The following PVT1 variants were observed in gnomAD, a reference collection of about 807,000 sequenced individuals.
PVT1 encodes CXCR4/PVT1 fusion.
At chr8:127,920,191 A>G (rs1816040291) in intron 3 of PVT1, among the ~76,000 whole-genome samples, 1 of 152,238 alleles carries the variant, frequency 6.6e-6, no homozygotes, top group African/African-American at 2.4e-5. Flanking sequence ...TCCAATGATA[A>G]TCAGTCATTT....
chr8:128,015,599 C>T (rs1817363466), intron 4 of PVT1, among the ~76,000 whole-genome samples: 1 of 151,778 alleles, frequency 6.6e-6, no homozygotes, highest in South Asian at 2.1e-4. Flanking sequence ...ATGGTGAAAC[C>T]CTGTCTCTAC....
chr8:127,816,171 T>C (rs1176067957), intron 2 of PVT1, among the ~76,000 whole-genome samples: 2 of 152,154 alleles, frequency 1.3e-5, no homozygotes, highest in Non-Finnish European at 2.9e-5. Flanking sequence ...TTGGGAGGCA[T>C]ATTGGTAAGT....
At chr8:127,916,249 A>G (rs1045874799) in intron 3 of PVT1, among the ~76,000 whole-genome samples, 5 of 152,168 alleles carry the variant, frequency 3.3e-5, no homozygotes, top group Admixed American at 2.0e-4. Context: ...GAGAATGGAA[A>G]AGCACTGTGC....
chr8:127,970,300 T>TTTG (rs1816750775), intron 3 of PVT1, among the ~76,000 whole-genome samples: 1 of 122,922 alleles, frequency 8.1e-6, no homozygotes, highest in African/African-American at 3.0e-5. Flanking sequence ...TTTTTTTTTT[T>TTTG]TTTTTTTTTT....
At chr8:127,855,068 T>C (rs1310944131) in intron 2 of PVT1, 16 of 398,096 alleles carry the variant, frequency 4.0e-5, no homozygotes, top group Non-Finnish European at 4.4e-6. Flanking sequence ...CTCAGTTTAC[T>C]ATTTTAAACT....
At chr8:127,882,343 A>C (rs57025109) in intron 2 of PVT1, among the ~76,000 whole-genome samples, 12,568 of 152,198 alleles carry the variant, frequency 0.083, 590 homozygotes, top group East Asian at 0.14. Flanking sequence ...GATCTCCCCG[A>C]TTTATCTTCC....
At chr8:127,894,142 T>C (rs1207514602) in intron 3 of PVT1, among the ~76,000 whole-genome samples, 1 of 152,194 alleles carries the variant, frequency 6.6e-6, no homozygotes, top group Non-Finnish European at 1.5e-5. Context: ...CAGCACACTC[T>C]CTAGTCGTAC....
intron 4 of PVT1, among the ~76,000 whole-genome samples, chr8:128,031,419 G>C (rs923854930): frequency 2.6e-5 from 4 of 152,188 alleles, no homozygotes; most frequent in African/African-American, 9.6e-5. Context: ...ATAGGTATGG[G>C]GTGTAGGGAG....
intron 4 of PVT1, among the ~76,000 whole-genome samples, chr8:128,018,238 A>C (rs1244596857): frequency 2.0e-5 from 3 of 152,218 alleles, no homozygotes; most frequent in Admixed American, 1.3e-4. Flanking sequence ...TGATATTATA[A>C]GGAAAGAAAA....
intron 3 of PVT1, among the ~76,000 whole-genome samples, chr8:127,927,896 T>C (rs907709631): frequency 2.0e-5 from 3 of 152,228 alleles, no homozygotes; most frequent in African/African-American, 7.2e-5. Context: ...CACAGACCTG[T>C]GTAAGTTAAC....
intron 2 of PVT1, among the ~76,000 whole-genome samples, chr8:127,864,393 C>T (rs528531111): frequency 2.6e-5 from 4 of 152,232 alleles, no homozygotes; most frequent in African/African-American, 4.8e-5. Flanking sequence ...TGAGGCCTGC[C>T]GTCAGGGTTT....
At chr8:128,018,098 G>C (rs1168834214) in intron 4 of PVT1, among the ~76,000 whole-genome samples, 2 of 152,186 alleles carry the variant, frequency 1.3e-5, no homozygotes. Flanking sequence ...CCTGTGAGAG[G>C]GGAGTGGTGG....
chr8:127,973,981 A>G (rs80129053), intron 3 of PVT1, among the ~76,000 whole-genome samples: 4 of 100,614 alleles, frequency 4.0e-5, no homozygotes, highest in Non-Finnish European at 5.9e-5. Flanking sequence ...TCCGTCTCAG[A>G]AAAAAAAAAA....
chr8:127,882,694 G>A (rs1815481644), intron 2 of PVT1, among the ~76,000 whole-genome samples: 1 of 152,064 alleles, frequency 6.6e-6, no homozygotes, highest in Admixed American at 6.6e-5. Context: ...ATGTTGGCCA[G>A]TCTGGTCTCG....
intron 2 of PVT1, among the ~76,000 whole-genome samples, chr8:127,811,451 C>CT (rs755819600): frequency 1.2e-4 from 18 of 152,310 alleles, no homozygotes; most frequent in Non-Finnish European, 2.1e-4. Context: ...TCCATTCCCC[C>CT]TGGGCCTAGC....
chr8:127,955,361 T>A (rs1816555967), intron 3 of PVT1, among the ~76,000 whole-genome samples: 1 of 152,162 alleles, frequency 6.6e-6, no homozygotes, highest in Non-Finnish European at 1.5e-5. Context: ...AGCCACCCAG[T>A]CTATACTCCT....
chr8:127,941,150 T>G (rs1816344547), intron 3 of PVT1, among the ~76,000 whole-genome samples: 1 of 152,220 alleles, frequency 6.6e-6, no homozygotes, highest in Non-Finnish European at 1.5e-5. Flanking sequence ...CATTTTCAAG[T>G]CCAGCAATGG....
intron 3 of PVT1, among the ~76,000 whole-genome samples, chr8:127,965,765 G>A (rs1079226): frequency 0.16 from 24,179 of 152,104 alleles, 2,133 homozygotes; most frequent in South Asian, 0.29. Flanking sequence ...ACAGAGTCAG[G>A]TGTTGGGTGC....
intron 2 of PVT1, among the ~76,000 whole-genome samples, chr8:127,813,830 T>C (rs530833394): frequency 4.1e-4 from 62 of 152,330 alleles, no homozygotes; most frequent in African/African-American, 1.5e-3. Flanking sequence ...AGACCCAGGC[T>C]GGAGTGCAAT....
Sources: gnomAD v4.1 joint callset for allele counts (sites outside exome capture counted in the v4.1 genomes callset) on GRCh38, gnomAD v4.1.1 for gene constraint, MANE v1.5 for transcripts, NCBI Gene and HGNC (gene_info 2026-07-23, HGNC 2026-07-21) for gene names.